Variants in SYNE2 observed in about 807,000 individuals in gnomAD.
SYNE2 encodes nesprin-2.
Under a neutral mutation model 856.3 loss-of-function variants are expected in SYNE2, and 431 were observed. The observed-to-expected ratio is 0.50, with a 90% CI of 0.47 to 0.55. The LOEUF (loss-of-function observed/expected upper bound fraction) is 0.55, where lower values mean the gene tolerates loss of function less well. Among genes scored for constraint, SYNE2 ranks in the 20% least tolerant of loss-of-function variants. SYNE2 has a pLI of 0.00. For synonymous variants in SYNE2, 2,923 were observed against 2,872.3 expected, an observed-to-expected ratio of 1.02 and a Z score of -0.56; for missense variants, 8,129 against 8,023.2, an observed-to-expected ratio of 1.01 and a Z score of -0.50.
intron 32 of SYNE2, among the ~76,000 whole-genome samples, chr14:64,014,489 C>T (rs951499776): frequency 1.3e-4 from 20 of 152,226 alleles, no homozygotes; most frequent in Middle Eastern, 3.4e-3. Context: ...TGCCATGGCA[C>T]GATCTCGGCT....
chr14:64,215,553 G>A (rs983702971), intron 107 of SYNE2, 199 bp downstream of exon 107: 30 of 646,710 alleles, frequency 4.6e-5, no homozygotes, highest in Admixed American at 1.2e-4. Flanking sequence ...AGCCAGAGCC[G>A]TCTCGATGCC....
intron 80 of SYNE2, 81 bp downstream of exon 80, chr14:64,140,154 G>A: frequency 7.1e-7 from 1 of 1,403,916 alleles, no homozygotes; most frequent in Non-Finnish European, 1.0e-6. Flanking sequence ...TGATGTGATA[G>A]TCTTCGTATT....
At chr14:64,001,892 C>G (rs931871544) in intron 28 of SYNE2, 42 bp from the exon 29 acceptor site, 30 of 1,610,068 alleles carry the variant, frequency 1.9e-5, no homozygotes, top group Non-Finnish European at 2.5e-5. Flanking sequence ...GGATATCTTT[C>G]TGCTGTGTTT....
At chr14:64,101,179 T>C (rs1377434904) in intron 63 of SYNE2, among the ~76,000 whole-genome samples, 2 of 152,170 alleles carry the variant, frequency 1.3e-5, no homozygotes, top group African/African-American at 4.8e-5. Flanking sequence ...AGTAGTGGGA[T>C]TGCTGGTTCT....
intron 2 of SYNE2, among the ~76,000 whole-genome samples, chr14:63,923,806 T>G (rs1317433650): frequency 6.8e-6 from 1 of 148,132 alleles, no homozygotes; most frequent in Non-Finnish European, 1.5e-5. Context: ...TTTTAGAACT[T>G]TTTTTTTTTT....
At chr14:63,971,525 A>G (rs990814083) in intron 11 of SYNE2, among the ~76,000 whole-genome samples, 1 of 152,118 alleles carries the variant, frequency 6.6e-6, no homozygotes, top group African/African-American at 2.4e-5. Context: ...TTTTATATAT[A>G]AATATACATG....
At chr14:64,034,429 C>T (rs2153551144) in intron 45 of SYNE2, 1 of 446,046 alleles carries the variant, frequency 2.2e-6, no homozygotes, top group African/African-American at 2.0e-5. Flanking sequence ...AAATAGACCC[C>T]AGAAGAATTT....
chr14:63,867,623 A>G (rs1895746185), intron 1 of SYNE2, among the ~76,000 whole-genome samples: 1 of 152,124 alleles, frequency 6.6e-6, no homozygotes, highest in Non-Finnish European at 1.5e-5. Flanking sequence ...GCTTGAACCC[A>G]GGAGGTGAAG....
chr14:63,944,547 A>G (rs1375619316), intron 6 of SYNE2, among the ~76,000 whole-genome samples: 132 of 125,302 alleles, frequency 1.1e-3, no homozygotes, highest in Non-Finnish European at 1.4e-3. Context: ...TTTTTGAGAC[A>G]GAGTCTCGCT....
At chr14:64,097,883 C>A in intron 61 of SYNE2, 66 bp from the exon 62 acceptor site, 1 of 1,520,182 alleles carries the variant, frequency 6.6e-7, no homozygotes, top group Non-Finnish European at 9.1e-7. Flanking sequence ...CCAAAGGAAG[C>A]AGGCTGCTCT....
At chr14:63,818,601 A>G (rs549068497) in intron 1 of SYNE2, among the ~76,000 whole-genome samples, 3 of 152,244 alleles carry the variant, frequency 2.0e-5, no homozygotes, top group East Asian at 3.9e-4. Flanking sequence ...GCATCTACAT[A>G]AAACATACAG....
At chr14:63,903,482 G>C (rs1367028207) in intron 1 of SYNE2, among the ~76,000 whole-genome samples, 5 of 151,894 alleles carry the variant, frequency 3.3e-5, no homozygotes, top group Non-Finnish European at 5.9e-5. Context: ...TGACACCTTT[G>C]TTATTTATTT....
At chr14:63,896,599 C>T (rs1402499846) in intron 1 of SYNE2, among the ~76,000 whole-genome samples, 3 of 152,160 alleles carry the variant, frequency 2.0e-5, no homozygotes, top group Non-Finnish European at 4.4e-5. Flanking sequence ...AAAATCATTA[C>T]CCTCATTTAA....
chr14:64,003,707 T>A (rs2096772912), intron 30 of SYNE2, among the ~76,000 whole-genome samples: 1 of 152,168 alleles, frequency 6.6e-6, no homozygotes, highest in Non-Finnish European at 1.5e-5. Flanking sequence ...AAACCAGTGG[T>A]GGAAGATGCA....
At chr14:64,053,809 CA>C (rs966987172) in intron 48 of SYNE2, 152 bp downstream of exon 48, 3,313 of 594,220 alleles carry the variant, frequency 5.6e-3, no homozygotes, top group South Asian at 8.9e-3. Flanking sequence ...ACTAAAAATA[CA>C]AAAAAAAAAT....
At chr14:63,929,894 T>C (rs1303860324) in intron 2 of SYNE2, among the ~76,000 whole-genome samples, 2 of 151,868 alleles carry the variant, frequency 1.3e-5, no homozygotes, top group African/African-American at 4.8e-5. Context: ...AAACAGCAAT[T>C]ACAGAGGCAA....
intron 11 of SYNE2, among the ~76,000 whole-genome samples, chr14:63,975,775 G>C (rs2096537479): frequency 6.6e-6 from 1 of 152,198 alleles, no homozygotes; most frequent in Admixed American, 6.5e-5. Context: ...ATTAAATGAT[G>C]GGTAACCATC....
At chr14:64,092,156 T>G (rs1485533924) in intron 60 of SYNE2, among the ~76,000 whole-genome samples, 1 of 152,242 alleles carries the variant, frequency 6.6e-6, no homozygotes, top group African/African-American at 2.4e-5. Flanking sequence ...TGTGCTTTAT[T>G]AGTCTCCTGG....
At position 63,989,938 on chromosome 14, in the gene SYNE2, CTG is replaced by C. The variant is rs2096654631; in HGVS notation, c.2314-470_2314-469del. Among the ~76,000 whole-genome samples, 3 of 152,366 alleles carry C rather than the reference CTG, an allele frequency of 2.0e-5. No homozygotes were observed. The South Asian group carries it at 6.2e-4, about 32-fold the overall frequency. ...GTGCTAGGATTACAGGCGTGAGCCA[CTG>C]TGCCTGGCCGCAGCTTGGTTTTTAT... On this transcript the variant is annotated intron_variant, in intron 19 of 115. Transcript: ENST00000555002.
Sources: allele counts gnomAD v4.1 joint callset (sites outside exome capture counted in the v4.1 genomes callset), GRCh38; gene constraint gnomAD v4.1.1; transcripts MANE v1.5; gene names NCBI Gene and HGNC (gene_info 2026-07-23, HGNC 2026-07-21).